Variants in GRID2 observed in about 807,000 individuals in gnomAD.
GRID2 encodes the protein glutamate receptor ionotropic, delta-2.
Under a neutral mutation model 114.8 loss-of-function variants are expected in GRID2, and 33 were observed. That is an observed-to-expected ratio of 0.29 (90% CI 0.22 to 0.38). The LOEUF (loss-of-function observed/expected upper bound fraction) is 0.38. Ranked by LOEUF, GRID2 falls within the 10% of genes least tolerant of loss-of-function variation. The pLI is 1.00. For missense variants in GRID2, 1,184 were observed against 1,257.7 expected (o/e 0.94, Z 0.89); for synonymous variants, 505 against 449.9 (o/e 1.12, Z -1.55).
At chr4:92,726,197 C>T (rs1253717474) in intron 2 of GRID2, among the ~76,000 whole-genome samples, 1 of 152,040 alleles carries the variant, frequency 6.6e-6, no homozygotes, top group Admixed American at 6.6e-5. Context: ...AGGAGAGGGA[C>T]AAATGGGATT....
At chr4:93,572,693 G>T (rs1481883038) in intron 13 of GRID2, among the ~76,000 whole-genome samples, 2 of 152,008 alleles carry the variant, frequency 1.3e-5, no homozygotes, top group Non-Finnish European at 2.9e-5. Context: ...CTTGAAAATA[G>T]AATTTATTTA....
chr4:92,657,159 C>T (rs1230287831), intron 2 of GRID2, among the ~76,000 whole-genome samples: 12 of 150,732 alleles, frequency 8.0e-5, no homozygotes, highest in Non-Finnish European at 1.8e-4. Context: ...TATTCAGGGG[C>T]ATTTGAAAAG....
In GRID2 at chr4:92,403,988, A is replaced by G. The variant is rs1730915054; in HGVS notation, c.88+99244A>G. Among the ~76,000 whole-genome samples the G allele has an allele frequency of 3.3e-5, 5 of 152,158 alleles. No individual in the cohort carries two copies. In the South Asian group the frequency reaches 1.0e-3, roughly 31 times the overall value. On this transcript the variant is annotated intron_variant, in intron 1 of 15. Transcript: ENST00000282020. ...TGATAATAAACATCAAAAATAACTA[A>G]TCACAGATTAACATAATAATGAAAA...
chr4:92,431,269 G>C (rs531525236), intron 1 of GRID2, among the ~76,000 whole-genome samples: 24 of 152,218 alleles, frequency 1.6e-4, no homozygotes, highest in South Asian at 6.2e-4. Context: ...TTGTATTGCA[G>C]TATATTTTAT....
At chr4:93,338,184 G>A (rs1375922519) in intron 8 of GRID2, among the ~76,000 whole-genome samples, 2 of 152,072 alleles carry the variant, frequency 1.3e-5, no homozygotes, top group East Asian at 1.9e-4. Flanking sequence ...TTTTGAACAG[G>A]AAGCATATTT....
intron 1 of GRID2, among the ~76,000 whole-genome samples, chr4:92,411,779 C>T (rs1477124125): frequency 6.6e-6 from 1 of 151,042 alleles, no homozygotes; most frequent in African/African-American, 2.4e-5. Flanking sequence ...GATCTCAGCT[C>T]ACTGCAAGCT....
intron 1 of GRID2, among the ~76,000 whole-genome samples, chr4:92,457,573 G>C (rs192736963): frequency 4.6e-5 from 7 of 152,252 alleles, no homozygotes; most frequent in Admixed American, 4.6e-4. Flanking sequence ...TCCTGAGGAA[G>C]GGTATAATTT....
intron 8 of GRID2, among the ~76,000 whole-genome samples, chr4:93,335,164 A>C (rs28677017): frequency 0.25 from 38,389 of 152,008 alleles, 8,110 homozygotes; most frequent in African/African-American, 0.58. Context: ...ACTAATACTT[A>C]ATTAGCAATA....
At chr4:92,521,871 A>G (rs985451638) in intron 1 of GRID2, among the ~76,000 whole-genome samples, 1 of 152,010 alleles carries the variant, frequency 6.6e-6, no homozygotes, top group South Asian at 2.1e-4. Context: ...AGCATTTTGT[A>G]AAATATATTT....
chr4:92,911,165 G>A (rs569964521), intron 2 of GRID2, among the ~76,000 whole-genome samples: 2 of 151,900 alleles, frequency 1.3e-5, no homozygotes, highest in East Asian at 1.9e-4. Flanking sequence ...ACCATGTGCC[G>A]AACAGTGCTA....
At chr4:92,583,826 T>G (rs1728294109) in intron 1 of GRID2, among the ~76,000 whole-genome samples, 1 of 150,340 alleles carries the variant, frequency 6.7e-6, no homozygotes, top group South Asian at 2.1e-4. Context: ...TTTGTGCATG[T>G]GTAATATAAA....
intron 2 of GRID2, among the ~76,000 whole-genome samples, chr4:93,064,435 A>G (rs777400696): frequency 2.6e-5 from 4 of 151,876 alleles, no homozygotes; most frequent in Non-Finnish European, 5.9e-5. Context: ...TTATAACAGC[A>G]TTTACTAGCT....
At chr4:92,694,546 G>A (rs1264693522) in intron 2 of GRID2, among the ~76,000 whole-genome samples, 2 of 148,592 alleles carry the variant, frequency 1.3e-5, no homozygotes, top group African/African-American at 2.6e-5. Flanking sequence ...CATATATTCA[G>A]ATTATAAGTG....
chr4:93,705,696 C>A (rs1464850216), intron 14 of GRID2, among the ~76,000 whole-genome samples: 1 of 152,004 alleles, frequency 6.6e-6, no homozygotes, highest in African/African-American at 2.4e-5. Flanking sequence ...GATGCAATCC[C>A]TTTTGTTCAT....
intron 8 of GRID2, among the ~76,000 whole-genome samples, chr4:93,382,337 T>C (rs1763931886): frequency 6.6e-6 from 1 of 152,110 alleles, no homozygotes; most frequent in African/African-American, 2.4e-5. Flanking sequence ...TTCTTTTCTC[T>C]GTCTTCTTAT....
intron 10 of GRID2, among the ~76,000 whole-genome samples, chr4:93,453,627 A>G (rs927838864): frequency 6.6e-6 from 1 of 152,098 alleles, no homozygotes; most frequent in Non-Finnish European, 1.5e-5. Flanking sequence ...AAAGGTATCC[A>G]TTATTAAAAT....
At chr4:93,181,200 A>G (rs1488780489) in intron 4 of GRID2, among the ~76,000 whole-genome samples, 2 of 152,188 alleles carry the variant, frequency 1.3e-5, no homozygotes, top group African/African-American at 2.4e-5. Flanking sequence ...CTCCTTGTAC[A>G]TCTCCATCAG....
chr4:92,449,689 A>G (rs1006802594), intron 1 of GRID2, among the ~76,000 whole-genome samples: 1 of 139,124 alleles, frequency 7.2e-6, no homozygotes, highest in African/African-American at 2.7e-5. Context: ...ATATATATAT[A>G]TATATATATA....
chr4:93,316,292 GAA>G, intron 8 of GRID2, among the ~76,000 whole-genome samples: 1 of 7,476 alleles, frequency 1.3e-4, no homozygotes, highest in African/African-American at 5.0e-4. Context: ...ACGAAAGAAC[GAA>G]AGAAAGAAAG....
Sources: gnomAD v4.1 joint callset for allele counts (sites outside exome capture counted in the v4.1 genomes callset) on GRCh38, gnomAD v4.1.1 for gene constraint, MANE v1.5 for transcripts, NCBI Gene and HGNC (gene_info 2026-07-23, HGNC 2026-07-21) for gene names.